Variants in GABRG3 observed in about 807,000 individuals in gnomAD.
GABRG3 encodes the protein gamma-aminobutyric acid receptor subunit gamma-3.
Under a neutral mutation model 48.8 loss-of-function variants are expected in GABRG3, and 25 were observed. The ratio of observed to expected loss-of-function variants is 0.51; its 90% CI spans 0.37 to 0.72. The LOEUF (loss-of-function observed/expected upper bound fraction) is 0.72. GABRG3 is among the 30% of genes least tolerant of loss of function. The pLI is 0.00. For missense variants in GABRG3, 394 were observed against 577.9 expected, an observed-to-expected ratio of 0.68 and a Z score of 3.26; for synonymous variants, 227 against 217.6, an observed-to-expected ratio of 1.04 and a Z score of -0.38.
rs1158391638 is a variant in GABRG3, at chr15:26,974,843, T to TTTTTTATTATTA, written c.54-2157_54-2156insTTTATTATTATT. Among the ~76,000 whole-genome samples, 2 of 140,862 alleles carry TTTTTTATTATTA rather than the reference T, an allele frequency of 1.4e-5. No individual in the cohort carries two copies. Among genetic ancestry groups the TTTTTTATTATTA allele is most frequent in the African/African-American group, 5.2e-5 (2 of 38,350 alleles). The allele number at this position is 140,862 out of a possible 152,430, so 92.4% of individuals were successfully genotyped here. ...CAGATGACACGAAATATTTTTTAAA[T>TTTTTTATTATTA]TTATTATTATTATTATTATTATTAT... On this transcript the variant is annotated intron_variant, in intron 1 of 9. Transcript: ENST00000615808. This position sits in a 1 kb window ranked among gnomAD's most constrained non-coding sequence, Gnocchi z 4.3.
chr15:27,048,448 G>A (rs1444630451), intron 3 of GABRG3, among the ~76,000 whole-genome samples: 3 of 152,166 alleles, frequency 2.0e-5, no homozygotes, highest in African/African-American at 7.2e-5. Context: ...TGGGAACTCA[G>A]CAGAGGAGCC....
chr15:27,497,596 A>AG (rs1490071034), intron 6 of GABRG3, among the ~76,000 whole-genome samples: 2 of 152,222 alleles, frequency 1.3e-5, no homozygotes, highest in Non-Finnish European at 2.9e-5. Context: ...AAAAAAGCTT[A>AG]AATGTGAAAA....
chr15:27,348,557 G>C (rs1265208735), intron 5 of GABRG3, among the ~76,000 whole-genome samples: 1 of 152,174 alleles, frequency 6.6e-6, no homozygotes, highest in Non-Finnish European at 1.5e-5. Flanking sequence ...GTGAGTCATA[G>C]GGTGTAGTCA....
chr15:27,390,162 GAAT>G (rs532672531), intron 5 of GABRG3, among the ~76,000 whole-genome samples: 2 of 152,182 alleles, frequency 1.3e-5, no homozygotes, highest in Non-Finnish European at 2.9e-5. Flanking sequence ...ATTTTTAAGT[GAAT>G]AATGCTTCAC....
chr15:27,005,986 T>C lies in GABRG3; in HGVS notation c.203-20768T>C, dbSNP rs546529955. On this transcript the variant is annotated intron_variant, in intron 2 of 9. Transcript: ENST00000615808. ...GACCATCTCAAAATCTTACCAGCCT[T>C]TTACCAGTTCTAGGCAAAGCTTTGA... is the stretch of plus-strand genomic sequence containing the variant. 1.6e-3 allele frequency among the ~76,000 whole-genome samples: 249 copies of C among 152,292 alleles called. 2 individuals are homozygous for C. In the Middle Eastern group the frequency reaches 0.027, roughly 17 times the overall value.
At chr15:26,982,316 A>G (rs969718074) in intron 2 of GABRG3, among the ~76,000 whole-genome samples, 1 of 152,196 alleles carries the variant, frequency 6.6e-6, no homozygotes, top group African/African-American at 2.4e-5. Flanking sequence ...TCCAGTTGGA[A>G]GTTCATGTAT....
rs12910388 is a variant in GABRG3 at position 27,046,431 on chromosome 15, C to A, written c.270+19610C>A. Among the ~76,000 whole-genome samples, 41 of 152,186 alleles carry A rather than the reference C, an allele frequency of 2.7e-4. No homozygotes were observed. The South Asian group carries it at 6.8e-3, about 25-fold the overall frequency. On this transcript the variant is annotated intron_variant, in intron 3 of 9. Coordinates refer to ENST00000615808, the MANE Select transcript of GABRG3 (RefSeq NM_033223.5). ...TTATATACTTCTTAAAGTTGTTTCC[C>A]CTTACTCAGTGTCCCCTGGCTCACT...
intron 5 of GABRG3, among the ~76,000 whole-genome samples, chr15:27,329,126 A>G (rs1480489417): frequency 1.3e-5 from 2 of 152,242 alleles, no homozygotes; most frequent in African/African-American, 2.4e-5. Context: ...TTGACATGGA[A>G]GGATTCAGAA....
At chr15:27,513,818 A>G (rs1229453373) in intron 6 of GABRG3, among the ~76,000 whole-genome samples, 1 of 152,224 alleles carries the variant, frequency 6.6e-6, no homozygotes, top group Admixed American at 6.5e-5. Context: ...TAAAACACGA[A>G]CTTAAATATA....
At chr15:27,117,592 T>G (rs1409673075) in intron 3 of GABRG3, among the ~76,000 whole-genome samples, 5 of 152,228 alleles carry the variant, frequency 3.3e-5, no homozygotes, top group African/African-American at 1.2e-4. Context: ...ATTGGCAGAT[T>G]TCCAGGGGTG....
At chr15:27,420,929 C>T (rs1476104778) in intron 5 of GABRG3, among the ~76,000 whole-genome samples, 2 of 152,208 alleles carry the variant, frequency 1.3e-5, no homozygotes, top group African/African-American at 4.8e-5. Context: ...TTGACACCTT[C>T]TTACACTCTT....
chr15:27,413,610 T>TG (rs1887863086), intron 5 of GABRG3, among the ~76,000 whole-genome samples: 1 of 151,922 alleles, frequency 6.6e-6, no homozygotes, highest in South Asian at 2.1e-4. Flanking sequence ...AATTGGGCCC[T>TG]TTTTTTTAAA....
At chr15:27,185,461 G>A (rs1429486985) in intron 3 of GABRG3, among the ~76,000 whole-genome samples, 2 of 152,096 alleles carry the variant, frequency 1.3e-5, no homozygotes, top group Non-Finnish European at 2.9e-5. Context: ...GCAGGATATG[G>A]TATATCTTGG....
chr15:27,527,735 A>C, intron 8 of GABRG3, 106 bp downstream of exon 8: 2 of 1,164,424 alleles, frequency 1.7e-6, no homozygotes, highest in Non-Finnish European at 2.5e-6. Context: ...AAAGCATGAT[A>C]CAAATACCCA....
chr15:27,060,004 C>G (rs1298660508), intron 3 of GABRG3, among the ~76,000 whole-genome samples: 2 of 152,104 alleles, frequency 1.3e-5, no homozygotes, highest in Non-Finnish European at 2.9e-5. Flanking sequence ...TTTAGTAATG[C>G]TATAAAATTA....
intron 3 of GABRG3, among the ~76,000 whole-genome samples, chr15:27,038,153 T>A (rs1896210817): frequency 6.6e-6 from 1 of 152,010 alleles, no homozygotes; most frequent in Non-Finnish European, 1.5e-5. Flanking sequence ...TTAGACTGGG[T>A]AGTTTACATA....
At position 27,328,900 on chromosome 15, in the gene GABRG3, T is replaced by C. The variant is rs374314499; in HGVS notation, c.574+12T>C. 6.8e-6 allele frequency: 11 copies of C among 1,611,722 alleles called. No homozygotes were observed. The highest frequency in any genetic ancestry group is 1.3e-5 in the African/African-American group (1 of 74,888). On this transcript the variant is annotated intron_variant, in intron 5 of 9. Coordinates refer to ENST00000615808, the MANE Select transcript of GABRG3 (RefSeq NM_033223.5). ...GATTTTCTCCAGCTGTGAGTACCAG[T>C]CCAAGCCCGGGGTGTGCATGCTGTG...
intron 3 of GABRG3, among the ~76,000 whole-genome samples, chr15:27,170,115 G>A (rs962180372): frequency 6.6e-6 from 1 of 152,164 alleles, no homozygotes; most frequent in South Asian, 2.1e-4. Context: ...GGATGGAAAC[G>A]GGAGCCTACT....
At chr15:27,040,998 C>T (rs1402888400) in intron 3 of GABRG3, among the ~76,000 whole-genome samples, 2 of 152,022 alleles carry the variant, frequency 1.3e-5, no homozygotes, top group Non-Finnish European at 2.9e-5. Flanking sequence ...GAAACCTCTT[C>T]CAATATCCAA....
Sources: gnomAD v4.1 joint callset for allele counts (sites outside exome capture counted in the v4.1 genomes callset) on GRCh38, gnomAD v4.1.1 for gene constraint, Gnocchi (gnomAD v3.1) non-coding constraint, MANE v1.5 for transcripts, NCBI Gene and HGNC (gene_info 2026-07-23, HGNC 2026-07-21) for gene names.